ZSWIM8: variants seen among roughly 807,000 people sequenced by gnomAD.
ZSWIM8 encodes zinc finger SWIM domain-containing protein 8.
In ZSWIM8, 27 loss-of-function variants were observed where a neutral mutation model predicts 173.7. The ratio of observed to expected loss-of-function variants is 0.16; its 90% CI spans 0.11 to 0.21. The LOEUF is 0.21. ZSWIM8 is among the 10% of genes least tolerant of loss of function. The pLI is 1.00. For missense variants in ZSWIM8, 1,627 were observed against 2,428.8 expected, an observed-to-expected ratio of 0.67 and a Z score of 6.94; for synonymous variants, 958 against 962.0, an observed-to-expected ratio of 1.00 and a Z score of 0.08.
In ZSWIM8 at chr10:73,797,708, G is replaced by T; in HGVS notation, c.3663-73G>T. ...TCTCCCAGCATCCTCACTTTCCCTG[G>T]TCCTTCCCAACCTACCCGGATGCCC... On this transcript the variant is annotated intron_variant, in intron 18 of 25. Transcript: ENST00000604729. The surrounding 1 kb of genome is among the most constrained non-coding windows in gnomAD (Gnocchi z 5.6). The T allele has an allele frequency of 6.4e-7, 1 of 1,566,400 alleles. No individual in the cohort carries two copies. Among genetic ancestry groups the T allele is most frequent in the South Asian group, 1.2e-5 (1 of 84,810 alleles).
In ZSWIM8 at chr10:73,792,369, A is replaced by G. The variant is rs762613309; in HGVS notation, c.1830A>G (p.Glu610=). The change falls in exon 10 of 26, where the codon GAA becomes GAG. Residue 610 remains glutamate (E), a synonymous_variant. Transcript: ENST00000604729. The surrounding 1 kb of genome is among the most constrained non-coding windows in gnomAD (Gnocchi z 4.3). ...GGGSKRRLSS[E]DSSLEPDLAE... ...GAAGCAAGCGACGGCTGAGCAGCGAAGACAGCTCCCTGGAGCCAGACCTGG... is the reference window on the plus strand; with the variant it reads ...GAAGCAAGCGACGGCTGAGCAGCGAGGACAGCTCCCTGGAGCCAGACCTGG... 6.2e-7 allele frequency: 1 copy of G among 1,609,440 alleles called. No homozygotes were observed.
At chr10:73,798,728 A>G (rs529536444) in intron 20 of ZSWIM8, among the ~76,000 whole-genome samples, 1 of 152,334 alleles carries the variant, frequency 6.6e-6, no homozygotes, top group Non-Finnish European at 1.5e-5. Context: ...TAGAAAACTT[A>G]GGGAAGGCCT....
intron 1 of ZSWIM8, 82 bp from the exon 2 acceptor site, chr10:73,788,588 T>G: frequency 1.3e-6 from 2 of 1,511,806 alleles, no homozygotes; most frequent in Non-Finnish European, 1.8e-6. Context: ...CCCAGGATGT[T>G]GTACTGGCAT....
rs1444020552 is a variant in ZSWIM8, at chr10:73,790,027, T to C, written c.810T>C (p.Cys270=). ...SSQSTAINTV[C]GAPDPTAGPS... is the part of the protein sequence containing the mutation. The stretch of plus-strand genomic sequence containing the variant: ...AGTCAACAGCCATCAATACAGTGTG[T>C]GGAGCTCCGGGTGAGTGTGGTGAGA... The change falls in exon 6 of 26, where the codon TGT becomes TGC. Residue 270 remains cysteine, a synonymous_variant. Coordinates refer to ENST00000604729, the MANE Select transcript of ZSWIM8 (RefSeq NM_001367799.1). The C allele has an allele frequency of 6.8e-6, 11 of 1,612,548 alleles. No homozygotes were observed. The highest frequency in any genetic ancestry group is 9.3e-6 in the Non-Finnish European group (11 of 1,179,376).
Position 73,797,068 on chromosome 10 carries a change from T to TC in ZSWIM8, c.3275-41dup. 1.9e-6 allele frequency: 3 copies of TC among 1,612,486 alleles called. No homozygotes were observed. Among genetic ancestry groups the TC allele is most frequent in the Non-Finnish European group, 2.5e-6 (3 of 1,179,028 alleles). On this transcript the variant is annotated intron_variant, in intron 16 of 25. Transcript: ENST00000604729. The surrounding 1 kb of genome is among the most constrained non-coding windows in gnomAD (Gnocchi z 5.6). ...TGAATGGTGTGGACCTATGTTGAGGTCCCCTTTCCTGGGCTCATCCCAGCG... is the reference window on the plus strand; with the variant it reads ...TGAATGGTGTGGACCTATGTTGAGGTCCCCCTTTCCTGGGCTCATCCCAGCG...
chr10:73,797,723 C>T lies in ZSWIM8; in HGVS notation c.3663-58C>T. 1 of 1,573,918 alleles carries T rather than the reference C, an allele frequency of 6.4e-7. No homozygotes were observed. On this transcript the variant is annotated intron_variant, in intron 18 of 25. Transcript: ENST00000604729. The surrounding 1 kb of genome is among the most constrained non-coding windows in gnomAD (Gnocchi z 5.6). ...ACTTTCCCTGGTCCTTCCCAACCTA[C>T]CCGGATGCCCATTTCAAAGAAACCC...
chr10:73,798,177 C>T (rs2083755291), intron 19 of ZSWIM8, 53 bp from the exon 20 acceptor site: 2 of 1,603,324 alleles, frequency 1.2e-6, no homozygotes, highest in Non-Finnish European at 8.5e-7. Flanking sequence ...TATTCTCACA[C>T]CCCAGTGGTG....
intron 14 of ZSWIM8, 48 bp downstream of exon 14, chr10:73,794,687 G>C (rs1409423891): frequency 6.8e-7 from 1 of 1,477,906 alleles, no homozygotes; most frequent in Admixed American, 2.0e-5. Context: ...AGGTCTTGAA[G>C]GACATGAGAC....
At position 73,791,385 on chromosome 10, in the gene ZSWIM8, C is replaced by A; in HGVS notation, c.1205C>A (p.Thr402Lys). 6.2e-7 allele frequency: 1 copy of A among 1,613,878 alleles called. No individual in the cohort carries two copies. Among genetic ancestry groups the A allele is most frequent in the Non-Finnish European group, 8.5e-7 (1 of 1,179,790 alleles). Residue 402 changes from threonine (T) to lysine (K), a missense_variant, in exon 9 of 26, where the codon ACG becomes AAG. Around this residue, in one of 18 missense-constraint regions of ZSWIM8, gnomAD observed 103 missense variants for 155.6 expected, o/e 0.66. Coordinates refer to ENST00000604729, the MANE Select transcript of ZSWIM8 (RefSeq NM_001367799.1). The surrounding 1 kb of genome is among the most constrained non-coding windows in gnomAD (Gnocchi z 6.0). Reference sequence around the variant, plus strand: ...TCACACAGCAGTGCCAGTGGGCACACGGGCCGTAGCAACGGGCAGTCAGAG... The same window carrying A: ...TCACACAGCAGTGCCAGTGGGCACAAGGGCCGTAGCAACGGGCAGTCAGAG... The part of the protein sequence containing the change: ...SASHSSASGH[T>K]GRSNGQSEVA...
Position 73,800,789 on chromosome 10 carries a change from C to G in ZSWIM8, c.5122+30C>G. ...CACCTCCCCTCCCTAGGACCATTGC[C>G]CCCCCCCCACCTGCTCTCCCCACCT... On this transcript the variant is annotated intron_variant, in intron 24 of 25. Coordinates refer to ENST00000604729, the MANE Select transcript of ZSWIM8 (RefSeq NM_001367799.1). The surrounding 1 kb of genome is among the most constrained non-coding windows in gnomAD (Gnocchi z 4.1). 6.8e-7 allele frequency: 1 copy of G among 1,476,554 alleles called. No homozygotes were observed. Among genetic ancestry groups the G allele is most frequent in the Non-Finnish European group, 9.2e-7 (1 of 1,082,642 alleles). The allele number at this position is 1,476,554 out of a possible 1,614,324, so 91.5% of individuals were successfully genotyped here.
At chr10:73,796,143 GTT>G (rs1485786320) in intron 15 of ZSWIM8, among the ~76,000 whole-genome samples, 4 of 151,744 alleles carry the variant, frequency 2.6e-5, no homozygotes, top group Non-Finnish European at 5.9e-5. Context: ...CGGGAGGATC[GTT>G]TGAGACCAAC....
intron 7 of ZSWIM8, 75 bp from the exon 8 acceptor site, chr10:73,790,896 ATTTT>A: frequency 7.4e-7 from 1 of 1,355,608 alleles, no homozygotes. Flanking sequence ...TATCTTCTGT[ATTTT>A]GGGGCCGGAA....
At position 73,785,645 on chromosome 10, in the gene ZSWIM8, G is replaced by C; in HGVS notation, c.-234G>C. The C allele has an allele frequency of 1.7e-6, 1 of 602,432 alleles. No homozygotes were observed. The highest frequency in any genetic ancestry group is 2.2e-5 in the Admixed American group (1 of 44,530). 37.3% of individuals were successfully genotyped at this position (602,432 alleles called of 1,614,324 possible). On this transcript the variant is annotated 5_prime_UTR_variant, in exon 1 of 26. Transcript: ENST00000604729. The stretch of plus-strand genomic sequence containing the variant: ...CCCAGCCGCCGAGCGCTTCGTCCCG[G>C]CCCTAAGTCTCGGAGACTGGCCAAG...
chr10:73,790,398 T>C, intron 7 of ZSWIM8, 106 bp downstream of exon 7: 1 of 1,474,560 alleles, frequency 6.8e-7, no homozygotes, highest in East Asian at 2.3e-5. Flanking sequence ...TACCTTTTAT[T>C]CCCTGAACTG....
In ZSWIM8 at chr10:73,799,205, T is replaced by C. The variant is rs1357242815; in HGVS notation, c.4380T>C (p.Gly1460=). 6.2e-7 allele frequency: 1 copy of C among 1,607,608 alleles called. No homozygotes were observed. Among genetic ancestry groups the C allele is most frequent in the East Asian group, 2.2e-5 (1 of 44,638 alleles). ...GGGCAGGTGGGGAAGCTGGGCGGGG[T>C]ATGCCTGAGGGTAGAGGGGGCCCAG... ...GIRAGGEAGR[G]MPEGRGGPGT... Residue 1460 remains glycine (G), a synonymous_variant, in exon 21 of 26, where the codon GGT becomes GGC. Transcript: ENST00000604729.
In ZSWIM8 at chr10:73,798,379, C is replaced by T; in HGVS notation, c.4102C>T (p.Leu1368=). The T allele has an allele frequency of 6.2e-7, 1 of 1,614,032 alleles. No individual in the cohort carries two copies. Among genetic ancestry groups the T allele is most frequent in the Non-Finnish European group, 8.5e-7 (1 of 1,179,902 alleles). ...GGTGAGGGCGGCAGCAGAGCTGGCCCTGAGCTGCCTGCCTCACGCCCATGC... is the reference window on the plus strand; with the variant it reads ...GGTGAGGGCGGCAGCAGAGCTGGCCTTGAGCTGCCTGCCTCACGCCCATGC... ...NMVRAAAELA[L]SCLPHAHALN... The change falls in exon 20 of 26, where the codon CTG becomes TTG. Residue 1368 remains leucine, a synonymous_variant. Coordinates refer to ENST00000604729, the MANE Select transcript of ZSWIM8 (RefSeq NM_001367799.1).
At position 73,800,625 on chromosome 10, in the gene ZSWIM8, TTATC is replaced by T. The variant is rs3830467; in HGVS notation, c.5003-9_5003-6del. On this transcript the variant is annotated splice_polypyrimidine_tract_variant and intron_variant, in intron 23 of 25. Transcript: ENST00000604729. The surrounding 1 kb of genome is among the most constrained non-coding windows in gnomAD (Gnocchi z 4.1). The stretch of plus-strand genomic sequence containing the variant: ...GATACACCGTACCATGTGCCCACCC[TTATC>T]TATCTCCCAGGAATGCTGGCACTGG... 3 of 1,610,978 alleles carry T rather than the reference TTATC, an allele frequency of 1.9e-6. No individual in the cohort carries two copies. The highest frequency in any genetic ancestry group is 2.2e-5 in the East Asian group (1 of 44,850).
Position 73,789,967 on chromosome 10 carries a change from A to C in ZSWIM8, c.750A>C (p.Thr250=). 1 of 1,613,222 alleles carries C rather than the reference A, an allele frequency of 6.2e-7. No individual in the cohort carries two copies. The highest frequency in any genetic ancestry group is 8.5e-7 in the Non-Finnish European group (1 of 1,179,620). ...ISELPQQILP[T]AQRLLDELLS... ...TCTTTCTCCCTCAGATCCTCCCCAC[A>C]GCTCAGCGTCTCCTGGACGAACTCC... Residue 250 remains threonine, a synonymous_variant, in exon 6 of 26, where the codon ACA becomes ACC. Coordinates refer to ENST00000604729, the MANE Select transcript of ZSWIM8 (RefSeq NM_001367799.1). The surrounding 1 kb of genome is among the most constrained non-coding windows in gnomAD (Gnocchi z 6.8).
rs575266137 is a variant in ZSWIM8 at position 73,786,327 on chromosome 10, G to GGTGTGT, written c.208+255_208+260dup. 1.2e-5 allele frequency: 5 copies of GGTGTGT among 418,200 alleles called. No individual in the cohort carries two copies. The Admixed American group carries it at 1.8e-4, about 15-fold the overall frequency. 25.9% of individuals were successfully genotyped at this position (418,200 alleles called of 1,614,324 possible). ...GCTTCTCCACACCTGTGTGTGTGTGGGTGTGTGTGTGTGTGTGTGCGCGCG... is the reference window on the plus strand; with the variant it reads ...GCTTCTCCACACCTGTGTGTGTGTGGGTGTGTGTGTGTGTGTGTGTGTGTGCGCGCG... On this transcript the variant is annotated intron_variant, in intron 1 of 25. Transcript: ENST00000604729.
Sources: gnomAD v4.1 joint callset for allele counts (sites outside exome capture counted in the v4.1 genomes callset) on GRCh38, gnomAD v4.1.1 for gene constraint, gnomAD v4.1.1 regional missense constraint, Gnocchi (gnomAD v3.1) non-coding constraint, MANE v1.5 for transcripts, NCBI Gene and HGNC (gene_info 2026-07-23, HGNC 2026-07-21) for gene names.